PHF24: variants seen among roughly 807,000 people sequenced by gnomAD.
PHF24 encodes the protein PHD finger protein 24, also known as Galpha inhibitory interacting protein.
A neutral mutation model predicts 42.6 loss-of-function variants in PHF24; 25 were observed. The ratio of observed to expected loss-of-function variants is 0.59; its 90% confidence interval spans 0.43 to 0.82. The LOEUF is 0.82. Among genes scored for constraint, PHF24 ranks in the 40% least tolerant of loss-of-function variants. The probability of loss-of-function intolerance (pLI) is 0.00; values close to 1 mark genes in which losing one functional copy is unlikely to be tolerated. For missense variants in PHF24, 470 were observed against 538.1 expected, an observed-to-expected ratio of 0.87 and a Z score of 1.25; for synonymous variants, 185 against 204.8, an observed-to-expected ratio of 0.90 and a Z score of 0.83.
At chr9:34,713,851 T>A in the PHF24 span, among the ~76,000 whole-genome samples, 1 of 152,044 alleles carries the variant, frequency 6.6e-6, no homozygotes, top group Non-Finnish European at 1.5e-5. Flanking sequence ...TTACATCTTG[T>A]TTTTTGAAGG....
chr9:34,668,885 C>T, the PHF24 span, among the ~76,000 whole-genome samples: 135 of 102,720 alleles, frequency 1.3e-3, no homozygotes, highest in Non-Finnish European at 2.3e-3. Flanking sequence ...ATTGCTGCTT[C>T]TGCCCTATTG....
chr9:34,755,690 A>G, the PHF24 span, among the ~76,000 whole-genome samples: 11 of 151,954 alleles, frequency 7.2e-5, no homozygotes, highest in Non-Finnish European at 1.6e-4. Flanking sequence ...CTGTTGCCCA[A>G]GCTGGAGTGT....
At chr9:34,765,835 G>T in the PHF24 span, among the ~76,000 whole-genome samples, 68 of 152,202 alleles carry the variant, frequency 4.5e-4, no homozygotes, top group Admixed American at 1.2e-3. Flanking sequence ...GCAGTGGCTG[G>T]TACTGGTTGT....
At chr9:34,698,629 C>T in the PHF24 span, among the ~76,000 whole-genome samples, 3 of 152,146 alleles carry the variant, frequency 2.0e-5, no homozygotes, top group Admixed American at 6.5e-5. Context: ...TGCGGGCATG[C>T]ACCACCACAC....
the PHF24 span, among the ~76,000 whole-genome samples, chr9:34,748,178 A>G: frequency 6.6e-6 from 1 of 152,220 alleles, no homozygotes; most frequent in Non-Finnish European, 1.5e-5. Flanking sequence ...CTCAAATATC[A>G]TAGAAGTGGA....
the PHF24 span, among the ~76,000 whole-genome samples, chr9:34,743,352 A>G: frequency 2.4e-3 from 363 of 152,346 alleles, 1 homozygote; most frequent in Admixed American, 8.4e-3. Flanking sequence ...GAATGAGAAA[A>G]TTTGGACTTG....
the PHF24 span, among the ~76,000 whole-genome samples, chr9:34,930,189 G>T: frequency 6.6e-6 from 1 of 152,154 alleles, no homozygotes; most frequent in Admixed American, 6.5e-5. Flanking sequence ...GGAGCCACTG[G>T]TTTGTGCAGG....
At chr9:34,710,914 A>C in the PHF24 span, among the ~76,000 whole-genome samples, 1 of 152,060 alleles carries the variant, frequency 6.6e-6, no homozygotes, top group Non-Finnish European at 1.5e-5. Context: ...GAGCGACTGC[A>C]CCTGGTCTGT....
At chr9:34,723,505 G>A in the PHF24 span, 2 of 1,551,662 alleles carry the variant, frequency 1.3e-6, no homozygotes, top group African/African-American at 2.7e-5. Context: ...TTTCTTTTCT[G>A]GTTTTGGCCA....
At chr9:34,772,837 C>T in the PHF24 span, among the ~76,000 whole-genome samples, 1 of 152,102 alleles carries the variant, frequency 6.6e-6, no homozygotes, top group African/African-American at 2.4e-5. Flanking sequence ...AATATAGATA[C>T]ATATGGTTAC....
the PHF24 span, among the ~76,000 whole-genome samples, chr9:34,897,777 C>G: frequency 6.6e-6 from 1 of 152,068 alleles, no homozygotes; most frequent in Admixed American, 6.5e-5. Flanking sequence ...ACCCATCACC[C>G]GAGCAGTATA....
the PHF24 span, among the ~76,000 whole-genome samples, chr9:34,770,021 T>C: frequency 6.6e-6 from 1 of 152,186 alleles, no homozygotes; most frequent in Non-Finnish European, 1.5e-5. Context: ...AAAGACTTTT[T>C]AGTTAAGACA....
the PHF24 span, among the ~76,000 whole-genome samples, chr9:34,768,391 G>A: frequency 1.3e-5 from 2 of 152,190 alleles, no homozygotes; most frequent in Admixed American, 6.5e-5. Flanking sequence ...ATTCTGGGGT[G>A]TATGTAACTA....
At chr9:34,731,957 C>T in the PHF24 span, among the ~76,000 whole-genome samples, 3 of 151,760 alleles carry the variant, frequency 2.0e-5, no homozygotes, top group Non-Finnish European at 4.4e-5. Flanking sequence ...CTCAAGCAAT[C>T]CTCCTGCCTC....
the PHF24 span, among the ~76,000 whole-genome samples, chr9:34,764,536 G>C: frequency 6.6e-6 from 1 of 150,840 alleles, no homozygotes; most frequent in Non-Finnish European, 1.5e-5. Flanking sequence ...TGTGGGATCG[G>C]TGGTGATATC....
chr9:34,778,143 A>C, the PHF24 span, among the ~76,000 whole-genome samples: 1 of 152,190 alleles, frequency 6.6e-6, no homozygotes, highest in Non-Finnish European at 1.5e-5. Context: ...TCTACTCACT[A>C]TTTTGGTTCT....
the PHF24 span, chr9:34,691,392 G>A: frequency 3.7e-5 from 18 of 482,214 alleles, no homozygotes; most frequent in South Asian, 2.5e-4. Context: ...TGGCAGAATC[G>A]CACCCTGCCC....
chr9:34,801,086 G>T, the PHF24 span, among the ~76,000 whole-genome samples: 4 of 152,178 alleles, frequency 2.6e-5, no homozygotes, highest in Admixed American at 2.6e-4. Flanking sequence ...GGTCATCAAA[G>T]AAATGCAAAT....
At chr9:34,703,418 C>T in the PHF24 span, among the ~76,000 whole-genome samples, 1 of 152,206 alleles carries the variant, frequency 6.6e-6, no homozygotes, top group Admixed American at 6.5e-5. Flanking sequence ...ATCCACCCGC[C>T]TCGGCCTCTC....
Sources: allele counts gnomAD v4.1 joint callset (sites outside exome capture counted in the v4.1 genomes callset), GRCh38; gene constraint gnomAD v4.1.1; transcripts MANE v1.5; gene names NCBI Gene and HGNC (gene_info 2026-07-23, HGNC 2026-07-21).